Variants in TTC12 observed in about 807,000 individuals in gnomAD.
TTC12 encodes tetratricopeptide repeat domain 12, also known as tetratricopeptide repeat protein 12.
A neutral mutation model predicts 90.1 loss-of-function variants in TTC12; 70 were observed. That is an observed-to-expected ratio of 0.78 (90% CI 0.64 to 0.95). The LOEUF (loss-of-function observed/expected upper bound fraction) is 0.95. TTC12 is among the 40% of genes least tolerant of loss of function. TTC12 has a pLI of 0.00. For synonymous variants in TTC12, 296 were observed against 311.5 expected (o/e 0.95, Z 0.53); for missense variants, 819 against 846.1 (o/e 0.97, Z 0.40).
In TTC12 at chr11:113,339,414, G is replaced by T; in HGVS notation, c.766G>T (p.Asp256Tyr). ...KNLLETLSKPDQIPLFYAGGI... is the reference protein window; with the variant it reads ...KNLLETLSKPYQIPLFYAGGI... ...CCTCCTGGAGACCCTTTCCAAGCCT[G>T]ACCAGATCCCCTTGTTCTATGCTGG... is the stretch of plus-strand genomic sequence containing the variant. Residue 256 changes from aspartate to tyrosine, a missense_variant, in exon 10 of 22, where the codon GAC becomes TAC. Transcript: ENST00000529221. 1 of 1,613,902 alleles carries T rather than the reference G, an allele frequency of 6.2e-7. No individual in the cohort carries two copies. Among genetic ancestry groups the T allele is most frequent in the East Asian group, 2.2e-5 (1 of 44,858 alleles).
Position 113,360,019 on chromosome 11 carries a change from C to T in TTC12, c.1614+11C>T. 1.9e-6 allele frequency: 3 copies of T among 1,560,080 alleles called. No homozygotes were observed. Among genetic ancestry groups the T allele is most frequent in the Non-Finnish European group, 2.6e-6 (3 of 1,146,926 alleles). ...GGAGGAATCCTGACAGTAAGTTTCT[C>T]CCAGGGAAATCCAGAAGCAGCTTCC... On this transcript the variant is annotated intron_variant, in intron 18 of 21. Coordinates refer to ENST00000529221, the MANE Select transcript of TTC12 (RefSeq NM_017868.4).
intron 12 of TTC12, among the ~76,000 whole-genome samples, 160 bp from the exon 13 acceptor site, chr11:113,344,112 G>A (rs1222088250): frequency 2.6e-5 from 4 of 152,170 alleles, no homozygotes; most frequent in Non-Finnish European, 4.4e-5. Context: ...TGGGCATTCG[G>A]ACCCAGCAGT....
At chr11:113,365,171 C>T in intron 21 of TTC12, 111 bp downstream of exon 21, 1 of 982,292 alleles carries the variant, frequency 1.0e-6, no homozygotes, top group Non-Finnish European at 1.5e-6. Flanking sequence ...GGGAAGCCCT[C>T]ATGCTTTCTG....
intron 6 of TTC12, among the ~76,000 whole-genome samples, chr11:113,327,064 AATT>A (rs1947739534): frequency 6.6e-6 from 1 of 152,226 alleles, no homozygotes; most frequent in South Asian, 2.1e-4. Flanking sequence ...GTTACTCTGA[AATT>A]ATTTGAAAGC....
intron 21 of TTC12, chr11:113,365,551 G>A (rs1480249462): frequency 4.1e-5 from 8 of 193,426 alleles, no homozygotes; most frequent in African/African-American, 1.8e-4. Flanking sequence ...AAGGAGAGAC[G>A]CAGAACAGCA....
chr11:113,320,414 G>T (rs782807651), intron 2 of TTC12, among the ~76,000 whole-genome samples: 1 of 152,112 alleles, frequency 6.6e-6, no homozygotes, highest in Non-Finnish European at 1.5e-5. Context: ...GAGGAGGAAT[G>T]TCTGAACGCC....
intron 18 of TTC12, among the ~76,000 whole-genome samples, chr11:113,360,725 G>T (rs1555154622): frequency 6.6e-6 from 1 of 152,166 alleles, no homozygotes; most frequent in African/African-American, 2.4e-5. Flanking sequence ...TCTAGGGTGG[G>T]TCTGGGAAAC....
chr11:113,321,917 C>T (rs1947360068), intron 2 of TTC12, among the ~76,000 whole-genome samples: 1 of 152,132 alleles, frequency 6.6e-6, no homozygotes, highest in Non-Finnish European at 1.5e-5. Flanking sequence ...CAGAACTGGC[C>T]AGCTGAATTC....
intron 1 of TTC12, chr11:113,314,868 C>G (rs899578437): frequency 6.6e-6 from 1 of 152,210 alleles, no homozygotes; most frequent in Admixed American, 6.5e-5. Context: ...GGGGCAGGCT[C>G]CGCGCGGGGC....
chr11:113,361,870 G>GA (rs1168741708), intron 18 of TTC12, among the ~76,000 whole-genome samples: 4 of 138,022 alleles, frequency 2.9e-5, no homozygotes, highest in African/African-American at 8.1e-5. Flanking sequence ...GGAAACAGAA[G>GA]AAAAAAATAG....
At chr11:113,324,152 T>C in intron 4 of TTC12, 137 bp downstream of exon 4, 1 of 668,066 alleles carries the variant, frequency 1.5e-6, no homozygotes, top group Non-Finnish European at 2.6e-6. Flanking sequence ...GATCATCCCA[T>C]TCTGTTACTA....
At chr11:113,366,194 T>G (rs1010558573) in intron 21 of TTC12, 31 bp from the exon 22 acceptor site, 2 of 1,610,036 alleles carry the variant, frequency 1.2e-6, no homozygotes, top group South Asian at 1.1e-5. Flanking sequence ...GTGGCACTTA[T>G]GCCCTGGGTT....
intron 7 of TTC12, among the ~76,000 whole-genome samples, chr11:113,332,373 A>G (rs782486258): frequency 1.7e-4 from 26 of 152,330 alleles, no homozygotes; most frequent in Non-Finnish European, 3.2e-4. Flanking sequence ...TCTGCACTTC[A>G]CGGTGACACA....
chr11:113,341,447 C>T (rs574949895), intron 11 of TTC12, among the ~76,000 whole-genome samples: 1 of 152,108 alleles, frequency 6.6e-6, no homozygotes, highest in Non-Finnish European at 1.5e-5. Flanking sequence ...TGAAGAAAGA[C>T]CTGTATGGTA....
chr11:113,368,974 A>G (rs1371720572), downstream of TTC12: 1 of 161,830 alleles, frequency 6.2e-6, no homozygotes, highest in African/African-American at 2.4e-5. Flanking sequence ...GAGGCTCTCC[A>G]AGGGTTCCGT....
At chr11:113,333,553 T>G (rs530889149) in intron 7 of TTC12, among the ~76,000 whole-genome samples, 19 of 152,300 alleles carry the variant, frequency 1.2e-4, no homozygotes, top group African/African-American at 4.6e-4. Context: ...CCGCTTGTTA[T>G]CTGTGTGACC....
At chr11:113,319,386 A>G (rs547083723) in intron 2 of TTC12, among the ~76,000 whole-genome samples, 1 of 152,220 alleles carries the variant, frequency 6.6e-6, no homozygotes, top group East Asian at 1.9e-4. Flanking sequence ...GGGATCCTGG[A>G]ATAGGAAAAG....
At chr11:113,371,184 C>A (rs749680094), downstream of TTC12, among the ~76,000 whole-genome samples, 3 of 152,158 alleles carry the variant, frequency 2.0e-5, no homozygotes, top group Non-Finnish European at 2.9e-5. Context: ...CCTTTGTATC[C>A]ACCAGGGATT....
chr11:113,354,597 C>T (rs1301692738), intron 16 of TTC12, among the ~76,000 whole-genome samples: 1 of 152,074 alleles, frequency 6.6e-6, no homozygotes, highest in African/African-American at 2.4e-5. Flanking sequence ...GGCCATGGGT[C>T]TGTCATAGAT....
Sources: gnomAD v4.1 joint callset for allele counts (sites outside exome capture counted in the v4.1 genomes callset) on GRCh38, gnomAD v4.1.1 for gene constraint, MANE v1.5 for transcripts, NCBI Gene and HGNC (gene_info 2026-07-23, HGNC 2026-07-21) for gene names.